NKAIN2: variants seen among roughly 807,000 people sequenced by gnomAD.
NKAIN2 encodes the protein sodium/potassium transporting ATPase interacting 2.
In NKAIN2, 14 loss-of-function variants were observed where a neutral mutation model predicts 32.6. The observed-to-expected ratio is 0.43, with a 90% CI of 0.28 to 0.67. The LOEUF (loss-of-function observed/expected upper bound fraction) is 0.67. Among genes scored for constraint, NKAIN2 ranks in the 30% least tolerant of loss-of-function variants. NKAIN2 has a pLI of 0.17. For missense variants in NKAIN2, 198 were observed against 258.3 expected, an observed-to-expected ratio of 0.77 and a Z score of 1.60; for synonymous variants, 80 against 87.2, an observed-to-expected ratio of 0.92 and a Z score of 0.46.
intron 4 of NKAIN2, among the ~76,000 whole-genome samples, chr6:124,677,188 C>G (rs567782437): frequency 2.6e-5 from 4 of 152,120 alleles, no homozygotes; most frequent in African/African-American, 9.7e-5. Flanking sequence ...AGGCTGGTCT[C>G]GAACTCCTGA....
chr6:124,247,597 A>T (rs1793477502), intron 1 of NKAIN2, among the ~76,000 whole-genome samples: 1 of 152,112 alleles, frequency 6.6e-6, no homozygotes, highest in Admixed American at 6.6e-5. Context: ...TGACAGGACA[A>T]TGGCTCCTCT....
At chr6:124,751,002 C>G (rs1214346244) in intron 4 of NKAIN2, among the ~76,000 whole-genome samples, 2 of 152,018 alleles carry the variant, frequency 1.3e-5, no homozygotes, top group Admixed American at 6.6e-5. Flanking sequence ...AAAATGATCA[C>G]ACAGGAAAGT....
rs1427853163 is a variant in NKAIN2, at chr6:124,394,331, CT to C, written c.273+38989del. On this transcript the variant is annotated intron_variant, in intron 3 of 6. Coordinates refer to ENST00000368417, the MANE Select transcript of NKAIN2 (RefSeq NM_001040214.3). ...AGCACACTTTCTCAATGTCTTCACTCTTTTTCTTGGCTTCCTTTAACAGCAT... is the reference window on the plus strand; with the variant it reads ...AGCACACTTTCTCAATGTCTTCACTCTTTTCTTGGCTTCCTTTAACAGCAT... 3.3e-5 allele frequency among the ~76,000 whole-genome samples: 5 copies of C among 152,078 alleles called. No individual in the cohort carries two copies. In the East Asian group the frequency reaches 9.6e-4, roughly 29 times the overall value.
chr6:123,874,083 G>A (rs1348254558), intron 1 of NKAIN2, among the ~76,000 whole-genome samples: 1 of 152,086 alleles, frequency 6.6e-6, no homozygotes, highest in African/African-American at 2.4e-5. Context: ...CCATTTCATT[G>A]TCAGAGACCA....
In NKAIN2 at chr6:124,468,201, AAAATTTTCAAGATAATTTAG is replaced by A. The variant is rs1179639764; in HGVS notation, c.273+112870_273+112889del. ...GTGAGCAACCTATTTAATATTCTTTAAAATTTTCAAGATAATTTAGAAATTTTCAAGATAAGTTAGACCAG... is the reference window on the plus strand; with the variant it reads ...GTGAGCAACCTATTTAATATTCTTTAAAATTTTCAAGATAAGTTAGACCAG... On this transcript the variant is annotated intron_variant, in intron 3 of 6. Coordinates refer to ENST00000368417, the MANE Select transcript of NKAIN2 (RefSeq NM_001040214.3). Among the ~76,000 whole-genome samples, 3 of 152,256 alleles carry A rather than the reference AAAATTTTCAAGATAATTTAG, an allele frequency of 2.0e-5. No individual in the cohort carries two copies. In the East Asian group the frequency reaches 5.8e-4, roughly 29 times the overall value.
chr6:124,700,870 T>TCACACACACA (rs1562331736), intron 4 of NKAIN2, among the ~76,000 whole-genome samples: 9 of 114,696 alleles, frequency 7.8e-5, no homozygotes, highest in African/African-American at 3.2e-4. Context: ...GTCTCTTTCC[T>TCACACACACA]GACACACACA....
At chr6:124,035,190 C>A (rs1190981989) in intron 1 of NKAIN2, among the ~76,000 whole-genome samples, 1 of 152,016 alleles carries the variant, frequency 6.6e-6, no homozygotes, top group Non-Finnish European at 1.5e-5. Context: ...CTATAAAATG[C>A]TTGTTCATAA....
intron 1 of NKAIN2, among the ~76,000 whole-genome samples, chr6:123,940,504 C>A (rs886610601): frequency 4.6e-5 from 7 of 151,910 alleles, no homozygotes; most frequent in African/African-American, 1.2e-4. Context: ...GATGGTACAG[C>A]CTACTACACA....
intron 1 of NKAIN2, among the ~76,000 whole-genome samples, chr6:124,130,495 TG>T: frequency 6.6e-6 from 1 of 152,214 alleles, no homozygotes; most frequent in East Asian, 1.9e-4. Flanking sequence ...ATAAAATAAT[TG>T]TAAATATGTA....
At chr6:124,284,415 T>C (rs1399374054) in intron 2 of NKAIN2, among the ~76,000 whole-genome samples, 1 of 152,180 alleles carries the variant, frequency 6.6e-6, no homozygotes, top group Non-Finnish European at 1.5e-5. Flanking sequence ...AATTTTCTTA[T>C]CTTTAAAATG....
intron 1 of NKAIN2, among the ~76,000 whole-genome samples, chr6:124,211,453 T>C (rs529577315): frequency 3.9e-5 from 6 of 152,042 alleles, no homozygotes; most frequent in Admixed American, 2.0e-4. Flanking sequence ...GTTGACACTT[T>C]AGGACACTTG....
At chr6:124,656,723 T>G (rs1784551558) in intron 3 of NKAIN2, among the ~76,000 whole-genome samples, 1 of 152,098 alleles carries the variant, frequency 6.6e-6, no homozygotes, top group African/African-American at 2.4e-5. Flanking sequence ...CCCACCAGTC[T>G]TCTTAGAAAT....
intron 3 of NKAIN2, among the ~76,000 whole-genome samples, chr6:124,495,260 TAA>T (rs995349095): frequency 6.6e-6 from 1 of 152,158 alleles, no homozygotes; most frequent in Non-Finnish European, 1.5e-5. Flanking sequence ...CTGCAGTTCT[TAA>T]AGACATTTTC....
intron 2 of NKAIN2, among the ~76,000 whole-genome samples, chr6:124,311,254 A>G (rs776419084): frequency 2.2e-4 from 34 of 152,144 alleles, no homozygotes; most frequent in Non-Finnish European, 4.1e-4. Context: ...CAATACTGAG[A>G]AGCCCTAATT....
chr6:124,435,338 G>A (rs985599306), intron 3 of NKAIN2, among the ~76,000 whole-genome samples: 1 of 152,088 alleles, frequency 6.6e-6, no homozygotes, highest in Non-Finnish European at 1.5e-5. Context: ...GCCCCAGGAA[G>A]TCAGATACAC....
intron 1 of NKAIN2, among the ~76,000 whole-genome samples, chr6:123,992,148 G>A (rs9401718): frequency 0.46 from 70,266 of 151,852 alleles, 17,111 homozygotes; most frequent in East Asian, 0.61. Flanking sequence ...AGGATAGTAG[G>A]GAACCATTTG....
intron 1 of NKAIN2, among the ~76,000 whole-genome samples, chr6:123,916,241 A>G (rs1179897317): frequency 6.6e-6 from 1 of 152,004 alleles, no homozygotes; most frequent in African/African-American, 2.4e-5. Context: ...GGATGTTCTG[A>G]GTTAACTCCA....
chr6:124,383,062 A>G lies in NKAIN2; in HGVS notation c.273+27715A>G, dbSNP rs1772717858. Among the ~76,000 whole-genome samples, 2 of 152,124 alleles carry G rather than the reference A, an allele frequency of 1.3e-5. 1 individual carries two copies. Among genetic ancestry groups the G allele is most frequent in the South Asian group, 4.1e-4 (2 of 4,832 alleles). ...GTTAGCATTTTTTCTGTACTGCTTC[A>G]CTTTAATTATGTTGTTCCTCCAATA... is the stretch of plus-strand genomic sequence containing the variant. On this transcript the variant is annotated intron_variant, in intron 3 of 6. Transcript: ENST00000368417.
At chr6:123,945,961 G>A (rs935900706) in intron 1 of NKAIN2, among the ~76,000 whole-genome samples, 1 of 152,216 alleles carries the variant, frequency 6.6e-6, no homozygotes, top group African/African-American at 2.4e-5. Flanking sequence ...TTCTGACACT[G>A]TATCATTTCC....
Sources: allele counts gnomAD v4.1 joint callset (sites outside exome capture counted in the v4.1 genomes callset), GRCh38; gene constraint gnomAD v4.1.1; transcripts MANE v1.5; gene names NCBI Gene and HGNC (gene_info 2026-07-23, HGNC 2026-07-21).